Variants in NLRP2 observed in about 807,000 individuals in gnomAD.
The protein encoded by NLRP2 is NACHT, LRR and PYD domains-containing protein 2.
In NLRP2, 107 loss-of-function variants were observed where a neutral mutation model predicts 97.2. That is an observed-to-expected ratio of 1.10 (90% CI 0.94 to 1.29). The LOEUF (loss-of-function observed/expected upper bound fraction) is 1.29. NLRP2 is among the 50% of genes most tolerant of loss of function. The pLI, the probability that NLRP2 is intolerant of heterozygous loss-of-function variation, is 0.00. For synonymous variants in NLRP2, 663 were observed against 551.5 expected (o/e 1.20, Z -2.83); for missense variants, 1,495 against 1,330.3 (o/e 1.12, Z -1.93).
chr19:54,977,972 C>A, intron 4 of NLRP2, 149 bp downstream of exon 4: 1 of 770,478 alleles, frequency 1.3e-6, no homozygotes, highest in Non-Finnish European at 2.2e-6. Flanking sequence ...GAATGCCAAC[C>A]TCCCTTCCGT....
At chr19:54,998,419 C>T (rs529282316) in intron 12 of NLRP2, among the ~76,000 whole-genome samples, 4 of 152,026 alleles carry the variant, frequency 2.6e-5, no homozygotes, top group African/African-American at 9.7e-5. Context: ...CTACTGCTGG[C>T]TTAAAATAAT....
intron 3 of NLRP2, among the ~76,000 whole-genome samples, chr19:54,975,027 C>A (rs777997305): frequency 6.6e-6 from 1 of 150,416 alleles, no homozygotes; most frequent in Admixed American, 6.7e-5. Flanking sequence ...TCTTGAACTC[C>A]TGACCTCAAG....
intron 1 of NLRP2, 34 bp from the exon 2 acceptor site, chr19:54,969,965 T>A: frequency 6.2e-7 from 1 of 1,602,368 alleles, no homozygotes; most frequent in Non-Finnish European, 8.5e-7. Context: ...CTAATCACCA[T>A]CCCTCTCCAC....
intron 10 of NLRP2, chr19:54,991,012 A>C (rs1407573340): frequency 5.5e-6 from 2 of 362,040 alleles, no homozygotes; most frequent in Non-Finnish European, 1.0e-5. Context: ...TTGGCCTCCC[A>C]AAGTGCTAGA....
intron 1 of NLRP2, among the ~76,000 whole-genome samples, chr19:54,969,171 C>G (rs1170362486): frequency 1.3e-5 from 2 of 152,038 alleles, no homozygotes; most frequent in African/African-American, 4.8e-5. Flanking sequence ...CTTTTAGAAC[C>G]TGAGCAGCCC....
At chr19:54,996,778 C>T (rs1252178836) in intron 11 of NLRP2, among the ~76,000 whole-genome samples, 2 of 152,006 alleles carry the variant, frequency 1.3e-5, no homozygotes, top group Non-Finnish European at 2.9e-5. Flanking sequence ...CTCTATGACT[C>T]GGTCTCTTCA....
intron 3 of NLRP2, 145 bp from the exon 4 acceptor site, chr19:54,977,607 C>T (rs964065029): frequency 1.3e-6 from 1 of 794,668 alleles, no homozygotes; most frequent in Non-Finnish European, 2.2e-6. Context: ...AATGTACTTT[C>T]ACTTTTACAT....
At chr19:54,984,329 G>GTGTGTGTT in intron 6 of NLRP2, among the ~76,000 whole-genome samples, 4 of 79,670 alleles carry the variant, frequency 5.0e-5, no homozygotes, top group African/African-American at 1.4e-4. Context: ...TTTTTTTTGT[G>GTGTGTGTT]TTTTTTTTTT....
At chr19:54,984,329 G>GTGTGTTTTTTTTTTTGTTT in intron 6 of NLRP2, among the ~76,000 whole-genome samples, 3 of 79,676 alleles carry the variant, frequency 3.8e-5, no homozygotes, top group Admixed American at 1.5e-4. Flanking sequence ...TTTTTTTTGT[G>GTGTGTTTTTTTTTTTGTTT]TTTTTTTTTT....
intron 4 of NLRP2, 108 bp from the exon 5 acceptor site, chr19:54,981,509 G>GGGCC: frequency 2.6e-6 from 1 of 386,504 alleles, no homozygotes; most frequent in Non-Finnish European, 5.3e-6. Context: ...CTGATCCCGT[G>GGGCC]CCCCCCCTCC....
In NLRP2 at chr19:54,997,373, G is replaced by C; in HGVS notation, c.2936G>C (p.Ser979Thr). 2 of 1,614,154 alleles carry C rather than the reference G, an allele frequency of 1.2e-6. No homozygotes were observed. The highest frequency in any genetic ancestry group is 1.7e-6 in the Non-Finnish European group (2 of 1,180,014). The change falls in exon 12 of 13, where the codon AGC (serine) becomes ACC (threonine). Residue 979 changes from serine (S) to threonine (T), a missense_variant. Ser to Thr is a moderately conservative substitution (Grantham distance 58). Transcript: ENST00000448584. The stretch of plus-strand genomic sequence containing the variant: ...TGTGAAGACCTCTGCTCTGCCCTCA[G>C]CTGCAACCAGAGCCTCGTCACTCTG... Reference protein sequence around the residue: ...FSCEDLCSALSCNQSLVTLDL... With the variant: ...FSCEDLCSALTCNQSLVTLDL...
chr19:54,982,439 C>G lies in NLRP2; in HGVS notation c.741C>G (p.Cys247Trp). 6.2e-7 allele frequency: 1 copy of G among 1,614,160 alleles called. No individual in the cohort carries two copies. Among genetic ancestry groups the G allele is most frequent in the Non-Finnish European group, 8.5e-7 (1 of 1,180,022 alleles). Residue 247 changes from cysteine (C) to tryptophan (W), a missense_variant, in exon 6 of 13, where the codon TGC becomes TGG. Cys to Trp is a radical substitution (Grantham distance 215). Transcript: ENST00000448584. ...TCAAATATGCGTTCTACCTCAGCTG[C>G]AGGGAGCTCAGCCGCCTGGGCCCGT... ...HKFKYAFYLSCRELSRLGPCS... is the reference protein window; with the variant it reads ...HKFKYAFYLSWRELSRLGPCS...
chr19:54,976,386 C>G (rs537849292), intron 3 of NLRP2, among the ~76,000 whole-genome samples: 1 of 151,810 alleles, frequency 6.6e-6, no homozygotes, highest in Non-Finnish European at 1.5e-5. Context: ...GAGTCTTGCT[C>G]TGTCACCCAG....
rs1391655062 is a variant in NLRP2, at chr19:54,999,091, C to T, written c.3050+1604C>T. Among the ~76,000 whole-genome samples, 5 of 148,408 alleles carry T rather than the reference C, an allele frequency of 3.4e-5. No homozygotes were observed. In the East Asian group the frequency reaches 5.9e-4, roughly 17 times the overall value. On this transcript the variant is annotated intron_variant, in intron 12 of 12. Coordinates refer to ENST00000448584, the MANE Select transcript of NLRP2 (RefSeq NM_017852.5). Reference sequence around the variant, plus strand: ...CTCCTCACTTCCCATTAGGGGCGGCCGGGCAGAGGCGCCCCTCACCTCCCG... The same window carrying T: ...CTCCTCACTTCCCATTAGGGGCGGCTGGGCAGAGGCGCCCCTCACCTCCCG...
rs2071038243 is a variant in NLRP2, at chr19:54,974,026, TG to T, written c.281-473del. The T allele has an allele frequency of 4.7e-6, 6 of 1,265,504 alleles. No homozygotes were observed. The South Asian group carries it at 5.9e-5, about 12-fold the overall frequency. The allele number at this position is 1,265,504 out of a possible 1,614,324, so 78.4% of individuals were successfully genotyped here. A position where few individuals can be genotyped will look rare whatever the true frequency, so the allele number is the denominator to read the frequency against. ...AGATTGTGCTAAGGCTTGAGTGCCT[TG>T]AGCCCAACTGCAGATCTAAGAATGC... On this transcript the variant is annotated intron_variant, in intron 2 of 12. Transcript: ENST00000448584.
chr19:54,992,740 G>T (rs961804148), intron 10 of NLRP2, among the ~76,000 whole-genome samples: 1 of 151,572 alleles, frequency 6.6e-6, no homozygotes, highest in African/African-American at 2.4e-5. Context: ...TTTATTTTTA[G>T]TAGAGACGAG....
intron 4 of NLRP2, among the ~76,000 whole-genome samples, chr19:54,978,495 C>G (rs2071385222): frequency 6.6e-6 from 1 of 152,184 alleles, no homozygotes; most frequent in South Asian, 2.1e-4. Context: ...CACCCACCCC[C>G]AAGTCTCCCG....
rs12768 is a variant in NLRP2 at position 55,000,769 on chromosome 19, C to G, written c.3060C>G (p.Ile1020Met). 5 of 1,612,862 alleles carry G rather than the reference C, an allele frequency of 3.1e-6. No individual in the cohort carries two copies. The South Asian group carries it at 4.4e-5, about 14-fold the overall frequency. The change falls in exon 13 of 13, where the codon ATC becomes ATG. Residue 1020 changes from isoleucine to methionine, a missense_variant. Coordinates refer to ENST00000448584, the MANE Select transcript of NLRP2 (RefSeq NM_017852.5). ...SGTLRTLRLK[I>M]DDFNDELNKL... ...CCCCATTGTACCCCAGGTTGAAAAT[C>G]GATGACTTTAATGATGAACTCAATA...
At position 54,983,192 on chromosome 19, in the gene NLRP2, C is replaced by G; in HGVS notation, c.1494C>G (p.Cys498Trp). Residue 498 changes from cysteine to tryptophan, a missense_variant, in exon 6 of 13, where the codon TGC becomes TGG. By Grantham distance (215) the Cys-to-Trp change is radical. Coordinates refer to ENST00000448584, the MANE Select transcript of NLRP2 (RefSeq NM_017852.5). ...GCCAGGACAGAGTCTCCAAAGGCTG[C>G]TACTCCTTCATCCACCTCAGCTTCC... ...ILRQDRVSKG[C>W]YSFIHLSFQQ... 1 of 1,613,800 alleles carries G rather than the reference C, an allele frequency of 6.2e-7. No homozygotes were observed. Among genetic ancestry groups the G allele is most frequent in the Non-Finnish European group, 8.5e-7 (1 of 1,179,784 alleles).
Sources: gnomAD v4.1 joint callset for allele counts (sites outside exome capture counted in the v4.1 genomes callset) on GRCh38, gnomAD v4.1.1 for gene constraint, MANE v1.5 for transcripts, NCBI Gene and HGNC (gene_info 2026-07-23, HGNC 2026-07-21) for gene names.